Variants in TSNARE1 observed in about 807,000 individuals in gnomAD.
TSNARE1 encodes t-SNARE domain-containing protein 1.
A neutral mutation model predicts 62.0 loss-of-function variants in TSNARE1; 49 were observed. The ratio of observed to expected loss-of-function variants is 0.79; its 90% CI spans 0.63 to 1.00. The LOEUF is 1.00. Among genes scored for constraint, TSNARE1 ranks in the 50% least tolerant of loss-of-function variants. TSNARE1 has a pLI of 0.00. For synonymous variants in TSNARE1, 328 were observed against 294.4 expected, an observed-to-expected ratio of 1.11 and a Z score of -1.17; for missense variants, 755 against 700.1, an observed-to-expected ratio of 1.08 and a Z score of -0.88.
intron 13 of TSNARE1, among the ~76,000 whole-genome samples, chr8:142,217,595 C>T (rs1021659352): frequency 2.0e-5 from 3 of 148,998 alleles, no homozygotes; most frequent in Admixed American, 6.7e-5. Flanking sequence ...ACTTCAGCTA[C>T]GTCAGCATCA....
At chr8:142,221,276 C>T (rs1816198272) in intron 13 of TSNARE1, among the ~76,000 whole-genome samples, 1 of 152,192 alleles carries the variant, frequency 6.6e-6, no homozygotes, top group Non-Finnish European at 1.5e-5. Context: ...GTTGTCCCCA[C>T]CCTTCTGGGA....
At position 142,357,478 on chromosome 8, in the gene TSNARE1, G is replaced by A. The variant is rs11986068; in HGVS notation, c.-39-2715C>T. On this transcript the variant is annotated intron_variant, in intron 1 of 13. Transcript: ENST00000524325. ...GGGAGCTCCCTCTACTTCAGGATTG[G>A]GAGCAAGCTGCTGGGGGCACGTGAG... Among the ~76,000 whole-genome samples, 913 of 152,328 alleles carry A rather than the reference G, an allele frequency of 6.0e-3. 9 individuals are homozygous for A. The highest frequency in any genetic ancestry group is 0.021 in the African/African-American group (856 of 41,568).
At chr8:142,267,011 G>T (rs981521191) in intron 12 of TSNARE1, among the ~76,000 whole-genome samples, 3 of 152,144 alleles carry the variant, frequency 2.0e-5, no homozygotes, top group Non-Finnish European at 4.4e-5. Flanking sequence ...TCACAGATCG[G>T]CCTAATCACT....
intron 10 of TSNARE1, among the ~76,000 whole-genome samples, chr8:142,296,572 G>C (rs1449671187): frequency 1.3e-5 from 2 of 152,006 alleles, no homozygotes; most frequent in Non-Finnish European, 2.9e-5. Flanking sequence ...TCCAGGCTCT[G>C]GGGATGGGGC....
intron 1 of TSNARE1, among the ~76,000 whole-genome samples, chr8:142,374,291 C>T (rs532520337): frequency 8.0e-5 from 12 of 149,718 alleles, no homozygotes; most frequent in African/African-American, 2.7e-4. Flanking sequence ...GGAGACAGAG[C>T]GAGACCTAGT....
In TSNARE1 at chr8:142,300,537, T is replaced by C; in HGVS notation, c.1239A>G (p.Glu413=). The part of the protein sequence containing the change: ...QEQALLPDIT[E]EDLEAIRLRE... ...GCAGCCGGATGGCCTCCAGGTCCTC[T>C]TCAGTGATGTCCGGGAGCAGCGCCT... Residue 413 remains glutamate, a synonymous_variant, in exon 10 of 14, where the codon GAA becomes GAG. Transcript: ENST00000524325. 2 of 1,611,802 alleles carry C rather than the reference T, an allele frequency of 1.2e-6. No individual in the cohort carries two copies. The highest frequency in any genetic ancestry group is 1.7e-6 in the Non-Finnish European group (2 of 1,179,980).
At chr8:142,387,124 T>C (rs1257994034) in intron 1 of TSNARE1, among the ~76,000 whole-genome samples, 1 of 152,108 alleles carries the variant, frequency 6.6e-6, no homozygotes, top group Admixed American at 6.5e-5. Context: ...CTCACCAAAA[T>C]GCAATTAAAA....
intron 6 of TSNARE1, among the ~76,000 whole-genome samples, chr8:142,324,464 G>A (rs148771654): frequency 2.6e-5 from 4 of 152,318 alleles, no homozygotes; most frequent in Non-Finnish European, 5.9e-5. Flanking sequence ...TGCCTGGGGG[G>A]TGTGTCACCT....
chr8:142,266,673 G>T (rs940230450), intron 12 of TSNARE1, among the ~76,000 whole-genome samples: 1 of 152,150 alleles, frequency 6.6e-6, no homozygotes, highest in African/African-American at 2.4e-5. Flanking sequence ...CACCCATGAT[G>T]TGCCCAGGAA....
chr8:142,337,684 C>T (rs1338629090), intron 4 of TSNARE1, among the ~76,000 whole-genome samples: 2 of 152,254 alleles, frequency 1.3e-5, no homozygotes, highest in African/African-American at 4.8e-5. Flanking sequence ...CCTCATCCCA[C>T]ACCACCACGG....
In TSNARE1 at chr8:142,250,830, G is replaced by A. The variant is rs563298607; in HGVS notation, c.1447-21251C>T. On this transcript the variant is annotated intron_variant, in intron 12 of 13. Transcript: ENST00000524325. Reference sequence around the variant, plus strand: ...TGCCGTGGTGATGGACGTAGTCCACGTGCAGACTGCCTTGAACGCAGGAGC... The same window carrying A: ...TGCCGTGGTGATGGACGTAGTCCACATGCAGACTGCCTTGAACGCAGGAGC... Among the ~76,000 whole-genome samples, 11 of 152,344 alleles carry A rather than the reference G, an allele frequency of 7.2e-5. No individual in the cohort carries two copies. In the South Asian group the frequency reaches 1.0e-3, roughly 14 times the overall value.
chr8:142,332,385 C>T (rs1285751719), intron 4 of TSNARE1, among the ~76,000 whole-genome samples: 1 of 152,018 alleles, frequency 6.6e-6, no homozygotes, highest in East Asian at 1.9e-4. Context: ...TAGGACAGAG[C>T]CAGGGCAGGG....
At chr8:142,282,935 ACTGT>A (rs1240634885) in intron 11 of TSNARE1, among the ~76,000 whole-genome samples, 2 of 148,004 alleles carry the variant, frequency 1.4e-5, no homozygotes, top group African/African-American at 2.5e-5. Flanking sequence ...AGGTGGGGCC[ACTGT>A]CTGTCAATGA....
At chr8:142,361,019 G>A (rs1835114806) in intron 1 of TSNARE1, among the ~76,000 whole-genome samples, 1 of 152,158 alleles carries the variant, frequency 6.6e-6, no homozygotes, top group Admixed American at 6.5e-5. Flanking sequence ...CCGGGCCGGG[G>A]CTTCCAGAAC....
intron 2 of TSNARE1, among the ~76,000 whole-genome samples, chr8:142,348,380 CAT>C (rs1420104329): frequency 6.6e-6 from 1 of 152,210 alleles, no homozygotes; most frequent in Non-Finnish European, 1.5e-5. Flanking sequence ...GCACAAATCA[CAT>C]GTGGTGAACA....
chr8:142,381,643 G>A (rs1191678769), intron 1 of TSNARE1, among the ~76,000 whole-genome samples: 4 of 152,290 alleles, frequency 2.6e-5, no homozygotes, highest in African/African-American at 9.6e-5. Context: ...GCAGCACCCA[G>A]GGGAGCCACA....
chr8:142,304,062 CCT>C (rs938777791), intron 9 of TSNARE1, among the ~76,000 whole-genome samples: 5 of 152,266 alleles, frequency 3.3e-5, no homozygotes, highest in African/African-American at 1.2e-4. Flanking sequence ...TACACACCAC[CCT>C]GACACGGGTA....
chr8:142,222,762 A>G (rs1816441949), intron 13 of TSNARE1, among the ~76,000 whole-genome samples: 1 of 73,504 alleles, frequency 1.4e-5, no homozygotes, highest in African/African-American at 4.7e-5. Flanking sequence ...CCACTCACTC[A>G]CTCATTCACT....
intron 4 of TSNARE1, among the ~76,000 whole-genome samples, chr8:142,338,165 A>T (rs980184036): frequency 3.3e-5 from 5 of 152,204 alleles, no homozygotes; most frequent in Admixed American, 2.0e-4. Flanking sequence ...GTGAACAGGG[A>T]TAACGGGACA....
Sources: allele counts gnomAD v4.1 joint callset (sites outside exome capture counted in the v4.1 genomes callset), GRCh38; gene constraint gnomAD v4.1.1; transcripts MANE v1.5; gene names NCBI Gene and HGNC (gene_info 2026-07-23, HGNC 2026-07-21).